AP3D1: variants seen among roughly 807,000 people sequenced by gnomAD.
AP3D1 encodes the protein AP-3 complex subunit delta-1.
In AP3D1, 51 loss-of-function variants were observed where a neutral mutation model predicts 147.6. That is an observed-to-expected ratio of 0.35 (90% confidence interval 0.28 to 0.44). The LOEUF (loss-of-function observed/expected upper bound fraction) is 0.44, where lower values mean the gene tolerates loss of function less well. AP3D1 is among the 20% of genes least tolerant of loss of function. The pLI, the probability that AP3D1 is intolerant of heterozygous loss-of-function variation, is 1.00. For synonymous variants in AP3D1, 760 were observed against 663.0 expected (o/e 1.15, Z -2.25); for missense variants, 1,421 against 1,624.2 (o/e 0.87, Z 2.15).
intron 24 of AP3D1, 56 bp downstream of exon 24, chr19:2,112,804 T>G: frequency 7.1e-7 from 1 of 1,415,570 alleles, no homozygotes; most frequent in Non-Finnish European, 9.7e-7. Context: ...GGCCCCACGT[T>G]GGGGTGCTGG....
chr19:2,163,849 C>T (rs2019802412), intron 1 of AP3D1, among the ~76,000 whole-genome samples: 1 of 149,978 alleles, frequency 6.7e-6, no homozygotes, highest in East Asian at 2.0e-4. Context: ...CGGGTCGGCC[C>T]GCTGGGCGGC....
At position 2,101,517 on chromosome 19, in the gene AP3D1, C is replaced by G. The variant is rs1359291732; in HGVS notation, c.*656G>C. ...CCAGGAAGACGGGTGGCAGAGAGGC[C>G]TCAACCCACCCCGTCCACGGTTCTG... On this transcript the variant is annotated 3_prime_UTR_variant, in exon 32 of 32. Coordinates refer to ENST00000643116, the MANE Select transcript of AP3D1 (RefSeq NM_001261826.3). 6.6e-6 allele frequency: 1 copy of G among 152,330 alleles called. No homozygotes were observed. The highest frequency in any genetic ancestry group is 6.5e-5 in the Admixed American group (1 of 15,294). 9.4% of individuals were successfully genotyped at this position (152,330 alleles called of 1,614,324 possible).
At chr19:2,153,434 G>T (rs1001757005), upstream of AP3D1, among the ~76,000 whole-genome samples, 1 of 151,974 alleles carries the variant, frequency 6.6e-6, no homozygotes. Context: ...CCAGCACTTC[G>T]GGAGGCCGAG....
intron 4 of AP3D1, among the ~76,000 whole-genome samples, chr19:2,136,353 G>A (rs1347629321): frequency 1.3e-5 from 2 of 152,300 alleles, no homozygotes; most frequent in Middle Eastern, 3.4e-3. Flanking sequence ...ACAGGGTCCC[G>A]CCCTTGCACA....
At chr19:2,131,010 C>CA (rs1259110167) in intron 5 of AP3D1, among the ~76,000 whole-genome samples, 1 of 152,252 alleles carries the variant, frequency 6.6e-6, no homozygotes, top group Non-Finnish European at 1.5e-5. Flanking sequence ...GTGGGCTCCC[C>CA]ACTGCTTTAC....
intron 2 of AP3D1, 133 bp from the exon 3 acceptor site, chr19:2,137,940 T>C: frequency 1.6e-6 from 1 of 618,812 alleles, no homozygotes; most frequent in Non-Finnish European, 2.8e-6. Flanking sequence ...AACCACCCAA[T>C]ACGTACCCCT....
At chr19:2,151,076 C>T (rs968120400) in intron 1 of AP3D1, among the ~76,000 whole-genome samples, 163 bp downstream of exon 1, 1 of 152,232 alleles carries the variant, frequency 6.6e-6, no homozygotes, top group Non-Finnish European at 1.5e-5. Flanking sequence ...AGGAGGTGGG[C>T]GGCGCCCCAG....
intron 15 of AP3D1, among the ~76,000 whole-genome samples, chr19:2,118,103 T>A (rs1011168981): frequency 2.6e-5 from 4 of 152,154 alleles, no homozygotes; most frequent in African/African-American, 9.7e-5. Flanking sequence ...GAGGTTGTCA[T>A]GAGCTGAGAT....
intron 26 of AP3D1, 63 bp downstream of exon 26, chr19:2,111,222 C>T (rs1186109691): frequency 1.2e-5 from 19 of 1,595,670 alleles, no homozygotes; most frequent in East Asian, 2.2e-5. Flanking sequence ...CCGGGTTCCG[C>T]GCGATCCCAT....
intron 14 of AP3D1, among the ~76,000 whole-genome samples, chr19:2,119,833 T>C (rs1334315209): frequency 6.6e-6 from 1 of 150,736 alleles, no homozygotes; most frequent in Non-Finnish European, 1.5e-5. Context: ...TCCCAGCTAC[T>C]CGGGAAGCTG....
At chr19:2,130,151 G>A (rs550910643) in intron 6 of AP3D1, among the ~76,000 whole-genome samples, 49 of 152,302 alleles carry the variant, frequency 3.2e-4, no homozygotes, top group Admixed American at 7.8e-4. Context: ...AGGGGCTGGC[G>A]GGGGTGGGTA....
intron 5 of AP3D1, among the ~76,000 whole-genome samples, chr19:2,132,076 C>T (rs541551780): frequency 5.9e-5 from 9 of 152,210 alleles, no homozygotes; most frequent in African/African-American, 1.2e-4. Flanking sequence ...CTGTCACAGC[C>T]GGGGGCGTAG....
At chr19:2,127,002 G>C in intron 9 of AP3D1, 150 bp downstream of exon 9, 1 of 784,518 alleles carries the variant, frequency 1.3e-6, no homozygotes. Flanking sequence ...CGGACTCCCA[G>C]CCAGCCCCAG....
At chr19:2,153,711 G>A (rs887251789), upstream of AP3D1, among the ~76,000 whole-genome samples, 8 of 152,040 alleles carry the variant, frequency 5.3e-5, no homozygotes, top group Non-Finnish European at 1.2e-4. Context: ...TGCTGGGCAT[G>A]GTGGCTCCAT....
chr19:2,160,694 TATAG>T (rs1480626738), intron 1 of AP3D1, among the ~76,000 whole-genome samples: 3 of 152,222 alleles, frequency 2.0e-5, no homozygotes, highest in East Asian at 1.9e-4. Flanking sequence ...ATCCTGAGGA[TATAG>T]ATAGAGTGCC....
intron 1 of AP3D1, among the ~76,000 whole-genome samples, chr19:2,144,386 C>T (rs1261159383): frequency 6.6e-6 from 1 of 152,202 alleles, no homozygotes; most frequent in East Asian, 1.9e-4. Context: ...CCTGAGGCAG[C>T]ATGGAACCGA....
chr19:2,150,034 C>T (rs923640986), intron 1 of AP3D1, among the ~76,000 whole-genome samples: 2 of 152,158 alleles, frequency 1.3e-5, no homozygotes, highest in African/African-American at 4.8e-5. Context: ...ACAAAAATGA[C>T]CTCATTAAGG....
At chr19:2,141,986 A>G (rs1439005713) in intron 1 of AP3D1, among the ~76,000 whole-genome samples, 1 of 149,904 alleles carries the variant, frequency 6.7e-6, no homozygotes, top group East Asian at 1.9e-4. Flanking sequence ...GTTTACATAT[A>G]TATACATTTA....
At chr19:2,164,147 C>T in intron 1 of AP3D1, 2 of 1,169,292 alleles carry the variant, frequency 1.7e-6, no homozygotes, top group Non-Finnish European at 2.1e-6. Context: ...CTCCCCCAAC[C>T]GCCCGCCTAG....
Sources: gnomAD v4.1 joint callset for allele counts (sites outside exome capture counted in the v4.1 genomes callset) on GRCh38, gnomAD v4.1.1 for gene constraint, MANE v1.5 for transcripts, NCBI Gene and HGNC (gene_info 2026-07-23, HGNC 2026-07-21) for gene names.